Variants in CDK6 observed in about 807,000 individuals in gnomAD.
CDK6 encodes cyclin dependent kinase 6, also known as cyclin-dependent kinase 6.
A neutral mutation model predicts 37.1 loss-of-function variants in CDK6; 6 were observed. The observed-to-expected ratio is 0.16, with a 90% CI of 0.09 to 0.32. The LOEUF (loss-of-function observed/expected upper bound fraction) is 0.32. CDK6 is among the 10% of genes least tolerant of loss of function. The pLI, the probability that CDK6 is intolerant of heterozygous loss-of-function variation, is 1.00. For synonymous variants in CDK6, 160 were observed against 161.3 expected, an observed-to-expected ratio of 0.99 and a Z score of 0.06; for missense variants, 224 against 418.9, an observed-to-expected ratio of 0.53 and a Z score of 4.06.
chr7:92,606,372 G>A lies in CDK6; in HGVS notation c.*8768C>T. The A allele has an allele frequency of 4.3e-6, 1 of 233,350 alleles. No individual in the cohort carries two copies. The allele number at this position is 233,350 out of a possible 1,614,324, so 14.5% of individuals were successfully genotyped here. On this transcript the variant is annotated 3_prime_UTR_variant, in exon 8 of 8. Transcript: ENST00000424848. ...AATGTGGCTAGGTCAAGTTGGGAGTGGTGGCCAGGCCTAGACAGGCACACC... is the reference window on the plus strand; with the variant it reads ...AATGTGGCTAGGTCAAGTTGGGAGTAGTGGCCAGGCCTAGACAGGCACACC...
Position 92,609,517 on chromosome 7 carries a change from GCT to G in CDK6, c.*5621_*5622del, listed in dbSNP as rs1256762764. On this transcript the variant is annotated 3_prime_UTR_variant, in exon 8 of 8. Transcript: ENST00000424848. ...TTACCTGGTCTTTTGGTATTTTAGG[GCT>G]CTGTTTCAATACAGCAATTTTTCAG... is the stretch of plus-strand genomic sequence containing the variant. 4.4e-6 allele frequency: 1 copy of G among 228,472 alleles called. No individual in the cohort carries two copies. The highest frequency in any genetic ancestry group is 8.7e-6 in the Non-Finnish European group (1 of 115,506). The allele number at this position is 228,472 out of a possible 1,614,324, so 14.2% of individuals were successfully genotyped here. A position where few individuals can be genotyped will look rare whatever the true frequency, so the allele number is the denominator to read the frequency against.
At chr7:92,697,798 T>G (rs1238593962) in intron 4 of CDK6, among the ~76,000 whole-genome samples, 1 of 152,260 alleles carries the variant, frequency 6.6e-6, no homozygotes, top group Non-Finnish European at 1.5e-5. Context: ...ATATGACTTC[T>G]ATCAGAGGTG....
chr7:92,607,275 C>A lies in CDK6; in HGVS notation c.*7865G>T, dbSNP rs1476331206. 2.1e-5 allele frequency: 5 copies of A among 233,612 alleles called. No homozygotes were observed. The East Asian group carries it at 2.4e-4, about 11-fold the overall frequency. The allele number at this position is 233,612 out of a possible 1,614,324, so 14.5% of individuals were successfully genotyped here. A position where few individuals can be genotyped will look rare whatever the true frequency, so the allele number is the denominator to read the frequency against. ...CATGAGGGCAGACAAGAGGAGGCAC[C>A]ACCCAGGCACTGGTCTCTGCCTGGC... On this transcript the variant is annotated 3_prime_UTR_variant, in exon 8 of 8. Coordinates refer to ENST00000424848, the MANE Select transcript of CDK6 (RefSeq NM_001145306.2).
At chr7:92,687,913 A>G (rs1797500210) in intron 4 of CDK6, among the ~76,000 whole-genome samples, 1 of 152,214 alleles carries the variant, frequency 6.6e-6, no homozygotes, top group African/African-American at 2.4e-5. Context: ...CTTTTGCTCA[A>G]GATAATATGT....
intron 3 of CDK6, among the ~76,000 whole-genome samples, chr7:92,748,693 A>C (rs1242920489): frequency 1.3e-5 from 2 of 152,120 alleles, no homozygotes; most frequent in Non-Finnish European, 2.9e-5. Flanking sequence ...GAATAAATAA[A>C]ATGAAATAAG....
chr7:92,724,773 A>ACC (rs1798469822), intron 4 of CDK6, among the ~76,000 whole-genome samples: 2 of 152,106 alleles, frequency 1.3e-5, no homozygotes, highest in South Asian at 4.1e-4. Flanking sequence ...CTTTTTTAAA[A>ACC]TTCTTTTTCT....
chr7:92,716,149 T>C (rs933248175), intron 4 of CDK6, among the ~76,000 whole-genome samples: 2 of 152,214 alleles, frequency 1.3e-5, no homozygotes, highest in Non-Finnish European at 2.9e-5. Context: ...TTTGGATGCT[T>C]ATAATTGATG....
chr7:92,812,474 G>A lies in CDK6; in HGVS notation c.233+20617C>T, dbSNP rs189238894. On this transcript the variant is annotated intron_variant, in intron 2 of 7. Coordinates refer to ENST00000424848, the MANE Select transcript of CDK6 (RefSeq NM_001145306.2). ...GCTCTGTCTCCCAGGTTGGGGTCAA[G>A]TGGTGTGATCATGGCTCACTGCAGC... is the stretch of plus-strand genomic sequence containing the variant. 2.3e-3 allele frequency among the ~76,000 whole-genome samples: 356 copies of A among 151,552 alleles called. 1 individual carries two copies. The highest frequency in any genetic ancestry group is 6.8e-3 in the Middle Eastern group (2 of 294).
intron 2 of CDK6, among the ~76,000 whole-genome samples, chr7:92,793,963 G>GT (rs1800343084): frequency 6.6e-6 from 1 of 152,068 alleles, no homozygotes; most frequent in African/African-American, 2.4e-5. Context: ...GCACAACCCT[G>GT]TAAATATAGT....
intron 3 of CDK6, among the ~76,000 whole-genome samples, chr7:92,763,482 A>G (rs184161122): frequency 6.6e-6 from 1 of 152,340 alleles, no homozygotes; most frequent in African/African-American, 2.4e-5. Flanking sequence ...ACTTTTTTAA[A>G]GGAAAGATTT....
chr7:92,670,508 T>C lies in CDK6; in HGVS notation c.647+918A>G, dbSNP rs555030256. Among the ~76,000 whole-genome samples the C allele has an allele frequency of 9.2e-5, 14 of 152,206 alleles. No homozygotes were observed. The East Asian group carries it at 2.7e-3, about 29-fold the overall frequency. ...TTACCTTTTCCCATGGAAATAAAAA[T>C]AGAAAAGAAAAAAAAGATTAGATTA... On this transcript the variant is annotated intron_variant, in intron 5 of 7. Transcript: ENST00000424848.
At chr7:92,803,774 C>T (rs1336049445) in intron 2 of CDK6, among the ~76,000 whole-genome samples, 2 of 152,112 alleles carry the variant, frequency 1.3e-5, no homozygotes, top group Non-Finnish European at 2.9e-5. Flanking sequence ...TATTGATTGA[C>T]TCCCGGGACA....
intron 4 of CDK6, among the ~76,000 whole-genome samples, chr7:92,690,843 A>G (rs1585402535): frequency 6.6e-6 from 1 of 152,208 alleles, no homozygotes; most frequent in African/African-American, 2.4e-5. Context: ...AAATGAAAGT[A>G]AAAGTTAAGA....
intron 4 of CDK6, among the ~76,000 whole-genome samples, chr7:92,681,376 A>G (rs920628770): frequency 3.3e-5 from 5 of 152,196 alleles, no homozygotes; most frequent in African/African-American, 1.2e-4. Flanking sequence ...TCACTGAAGG[A>G]CCAGCAAAGG....
intron 5 of CDK6, among the ~76,000 whole-genome samples, chr7:92,647,557 A>G (rs1796480037): frequency 6.6e-6 from 1 of 152,198 alleles, no homozygotes; most frequent in African/African-American, 2.4e-5. Context: ...ATGGATCCAA[A>G]TAAGAATACA....
rs533330660 is a variant in CDK6, at chr7:92,749,929, ATACTGTACT to A, written c.370-24145_370-24137del. The stretch of plus-strand genomic sequence containing the variant: ...ACAATTCTTCATGGAGAAAAAATAT[ATACTGTACT>A]TGGAATGAGGCTCTAGTTGAGGAGA... On this transcript the variant is annotated intron_variant, in intron 3 of 7. Coordinates refer to ENST00000424848, the MANE Select transcript of CDK6 (RefSeq NM_001145306.2). Among the ~76,000 whole-genome samples, 67 of 152,330 alleles carry A rather than the reference ATACTGTACT, an allele frequency of 4.4e-4. 1 individual carries two copies. The East Asian group carries it at 7.9e-3, about 18-fold the overall frequency.
At chr7:92,649,301 T>A (rs1245256880) in intron 5 of CDK6, among the ~76,000 whole-genome samples, 1 of 152,202 alleles carries the variant, frequency 6.6e-6, no homozygotes, top group African/African-American at 2.4e-5. Context: ...TGAAGATTTT[T>A]ATGGCAAGGA....
intron 5 of CDK6, among the ~76,000 whole-genome samples, chr7:92,642,895 ATTT>A (rs546349753): frequency 2.8e-5 from 4 of 142,508 alleles, no homozygotes; most frequent in Admixed American, 7.1e-5. Flanking sequence ...TGAAAAAAGA[ATTT>A]TTTTTTTTTT....
At chr7:92,798,189 A>G (rs1476330531) in intron 2 of CDK6, among the ~76,000 whole-genome samples, 4 of 152,218 alleles carry the variant, frequency 2.6e-5, no homozygotes, top group African/African-American at 4.8e-5. Context: ...ATTAATGAAT[A>G]AAAAGCAGAA....
Sources: allele counts gnomAD v4.1 joint callset (sites outside exome capture counted in the v4.1 genomes callset), GRCh38; gene constraint gnomAD v4.1.1; transcripts MANE v1.5; gene names NCBI Gene and HGNC (gene_info 2026-07-23, HGNC 2026-07-21).